The following HTR3B variants were observed in gnomAD, a reference collection of about 807,000 sequenced individuals.
HTR3B encodes 5-hydroxytryptamine receptor 3B.
Under a neutral mutation model 42.8 loss-of-function variants are expected in HTR3B, and 44 were observed. The ratio of observed to expected loss-of-function variants is 1.03; its 90% CI spans 0.81 to 1.32. The LOEUF (loss-of-function observed/expected upper bound fraction) is 1.32, where lower values mean the gene tolerates loss of function less well. HTR3B is among the 40% of genes most tolerant of loss of function. HTR3B has a pLI of 0.00. For synonymous variants in HTR3B, 203 were observed against 209.0 expected (o/e 0.97, Z 0.25); for missense variants, 527 against 536.5 (o/e 0.98, Z 0.17).
At chr11:113,944,519 C>T in intron 7 of HTR3B, 54 bp from the exon 8 acceptor site, 1 of 1,572,460 alleles carries the variant, frequency 6.4e-7, no homozygotes, top group Non-Finnish European at 8.7e-7. Flanking sequence ...ACAAAAAAAT[C>T]TGATGCTGCA....
intron 2 of HTR3B, among the ~76,000 whole-genome samples, chr11:113,910,521 A>C (rs1949781200): frequency 6.6e-6 from 1 of 151,446 alleles, no homozygotes; most frequent in Admixed American, 6.6e-5. Flanking sequence ...GCTCACTGCA[A>C]CCTTTGCGTC....
Position 113,944,599 on chromosome 11 carries a change from T to C in HTR3B, c.934T>C (p.Phe312Leu). The change falls in exon 8 of 9, where the codon TTC becomes CTC. Residue 312 changes from phenylalanine to leucine, a missense_variant. Phe to Leu is a conservative substitution (Grantham distance 22). Coordinates refer to ENST00000260191, the MANE Select transcript of HTR3B (RefSeq NM_006028.5). ...IGHFFTICMA[F>L]LVLSLAKSIV... ...GCACTTCTTCACCATCTGCATGGCC[T>C]TCTTGGTTCTCAGCTTAGCTAAGTC... 1 of 1,614,174 alleles carries C rather than the reference T, an allele frequency of 6.2e-7. No individual in the cohort carries two copies. Among genetic ancestry groups the C allele is most frequent in the South Asian group, 1.1e-5 (1 of 91,088 alleles).
At chr11:113,935,042 G>GCACACA (rs139606463) in intron 6 of HTR3B, among the ~76,000 whole-genome samples, 28 of 150,490 alleles carry the variant, frequency 1.9e-4, no homozygotes, top group African/African-American at 6.8e-4. Context: ...GCACACATGT[G>GCACACA]CACACACACA....
chr11:113,922,403 T>G (rs1478197177), intron 2 of HTR3B, among the ~76,000 whole-genome samples: 5 of 151,590 alleles, frequency 3.3e-5, no homozygotes, highest in African/African-American at 1.2e-4. Flanking sequence ...CGGGCTAATT[T>G]TTGTATTTTT....
At chr11:113,922,624 C>T (rs984404726) in intron 2 of HTR3B, among the ~76,000 whole-genome samples, 4 of 152,122 alleles carry the variant, frequency 2.6e-5, no homozygotes, top group East Asian at 3.9e-4. Context: ...GGCAAGATCT[C>T]GGCTCACTAC....
intron 8 of HTR3B, 70 bp from the exon 9 acceptor site, chr11:113,945,832 C>A (rs1261592579): frequency 9.1e-7 from 1 of 1,095,436 alleles, no homozygotes. Flanking sequence ...AGGCCATCAG[C>A]TTCAAGAGAA....
intron 7 of HTR3B, among the ~76,000 whole-genome samples, chr11:113,943,436 C>A (rs975595128): frequency 6.6e-6 from 1 of 152,140 alleles, no homozygotes; most frequent in Non-Finnish European, 1.5e-5. Context: ...TGGGCTCAAG[C>A]AATTCTCCTG....
chr11:113,902,875 G>T (rs1203971193), upstream of HTR3B, among the ~76,000 whole-genome samples: 1 of 151,984 alleles, frequency 6.6e-6, no homozygotes, highest in Admixed American at 6.6e-5. Flanking sequence ...GTGTGTGTGT[G>T]TTTTTGTTTT....
At chr11:113,926,458 CTTTCCTTTCT>C (rs1235950154) in intron 2 of HTR3B, among the ~76,000 whole-genome samples, 140 of 142,610 alleles carry the variant, frequency 9.8e-4, no homozygotes, top group African/African-American at 3.6e-3. Context: ...TTTTCCTTTC[CTTTCCTTTCT>C]TTTCCTTTCC....
intron 2 of HTR3B, among the ~76,000 whole-genome samples, chr11:113,922,980 T>G (rs1302842858): frequency 6.6e-6 from 1 of 152,216 alleles, no homozygotes; most frequent in Non-Finnish European, 1.5e-5. Context: ...TGCAGCACTA[T>G]GTATTTGATT....
intron 7 of HTR3B, among the ~76,000 whole-genome samples, chr11:113,943,803 A>C (rs1435929462): frequency 1.5e-4 from 22 of 151,442 alleles, no homozygotes; most frequent in African/African-American, 4.6e-4. Flanking sequence ...ACAGAGCAAG[A>C]ACGGAAGGGA....
At chr11:113,944,297 C>T (rs534053446) in intron 7 of HTR3B, among the ~76,000 whole-genome samples, 54 of 152,106 alleles carry the variant, frequency 3.6e-4, no homozygotes, top group Non-Finnish European at 7.2e-4. Context: ...GGATTACAGG[C>T]GTGAGCCACC....
rs983640944 is a variant in HTR3B at position 113,948,078 on chromosome 11, C to T, written c.*1941C>T. ...CCAGTTAGTGCTCAGCGCCAATTGT[C>T]CATGAAATTCCACTGCTGCTGTTAA... On this transcript the variant is annotated 3_prime_UTR_variant, in exon 9 of 9. Coordinates refer to ENST00000260191, the MANE Select transcript of HTR3B (RefSeq NM_006028.5). Among the ~76,000 whole-genome samples the T allele has an allele frequency of 6.6e-5, 10 of 152,088 alleles. No homozygotes were observed. Among genetic ancestry groups the T allele is most frequent in the African/African-American group, 2.4e-4 (10 of 41,398 alleles).
intron 6 of HTR3B, among the ~76,000 whole-genome samples, chr11:113,938,523 A>G (rs1282044987): frequency 6.6e-6 from 1 of 152,202 alleles, no homozygotes; most frequent in African/African-American, 2.4e-5. Context: ...ACAAGATGGG[A>G]TAAGGGCAGG....
intron 2 of HTR3B, among the ~76,000 whole-genome samples, chr11:113,923,971 C>G (rs1949942367): frequency 1.3e-5 from 2 of 152,054 alleles, no homozygotes; most frequent in African/African-American, 4.8e-5. Flanking sequence ...AAGAGAAAAA[C>G]AAGCTAAGGC....
intron 6 of HTR3B, among the ~76,000 whole-genome samples, chr11:113,934,131 A>G (rs767309156): frequency 1.8e-4 from 27 of 152,230 alleles, no homozygotes; most frequent in Admixed American, 6.5e-5. Context: ...TCATGCCTGT[A>G]ATCCCAGAAC....
upstream of HTR3B, chr11:113,904,687 C>T: frequency 2.2e-6 from 1 of 462,336 alleles, no homozygotes; most frequent in Non-Finnish European, 3.9e-6. Flanking sequence ...ACGGTCTGAT[C>T]TTGGGGCAGA....
chr11:113,922,826 A>G (rs1277933953), intron 2 of HTR3B, among the ~76,000 whole-genome samples: 1 of 152,186 alleles, frequency 6.6e-6, no homozygotes, highest in Non-Finnish European at 1.5e-5. Context: ...AAGTGCTGGG[A>G]TTATAGGCGT....
intron 6 of HTR3B, among the ~76,000 whole-genome samples, chr11:113,937,874 A>G (rs1244969981): frequency 2.0e-5 from 3 of 152,148 alleles, no homozygotes; most frequent in Non-Finnish European, 4.4e-5. Flanking sequence ...ACAGAAATTC[A>G]TTTTCTTGCA....
Sources: gnomAD v4.1 joint callset for allele counts (sites outside exome capture counted in the v4.1 genomes callset) on GRCh38, gnomAD v4.1.1 for gene constraint, MANE v1.5 for transcripts, NCBI Gene and HGNC (gene_info 2026-07-23, HGNC 2026-07-21) for gene names.